The following MECOM variants were observed in gnomAD, a reference collection of about 807,000 sequenced individuals.
MECOM encodes MDS1 and EVI1 complex locus.
MECOM carries 13 observed loss-of-function variants against 116.3 expected under a neutral mutation model. The ratio of observed to expected loss-of-function variants is 0.11; its 90% CI spans 0.07 to 0.18. The LOEUF is 0.18. Among genes scored for constraint, MECOM ranks in the 10% least tolerant of loss-of-function variants. The pLI is 1.00. For missense variants in MECOM, 1,299 were observed against 1,509.0 expected (o/e 0.86, Z 2.31); for synonymous variants, 528 against 535.2 (o/e 0.99, Z 0.19).
intron 2 of MECOM, among the ~76,000 whole-genome samples, chr3:169,380,699 T>A (rs1378114871): frequency 6.6e-6 from 1 of 152,060 alleles, no homozygotes; most frequent in African/African-American, 2.4e-5. Flanking sequence ...AGCAGGGTTA[T>A]CAAAAGAGAG....
At chr3:169,111,974 T>A (rs1727552596) in intron 9 of MECOM, among the ~76,000 whole-genome samples, 2 of 152,246 alleles carry the variant, frequency 1.3e-5, no homozygotes, top group Non-Finnish European at 2.9e-5. Context: ...ATTCTATTTT[T>A]AAGAATTTTT....
chr3:169,478,426 C>T (rs1750801290), intron 1 of MECOM, among the ~76,000 whole-genome samples: 1 of 152,150 alleles, frequency 6.6e-6, no homozygotes, highest in Non-Finnish European at 1.5e-5. Context: ...TTTCCCATTA[C>T]TTGTTAATAG....
chr3:169,108,200 C>A (rs1280852768), intron 9 of MECOM, among the ~76,000 whole-genome samples: 5 of 152,150 alleles, frequency 3.3e-5, no homozygotes, highest in Admixed American at 1.3e-4. Context: ...ATGCTACCTA[C>A]TAGCAAATCT....
At chr3:169,439,494 G>A (rs1280985546) in intron 1 of MECOM, among the ~76,000 whole-genome samples, 1 of 151,706 alleles carries the variant, frequency 6.6e-6, no homozygotes, top group African/African-American at 2.4e-5. Context: ...CACTAAATAG[G>A]AAACACAAAA....
chr3:169,625,862 C>T (rs977676984), intron 1 of MECOM, among the ~76,000 whole-genome samples: 1 of 152,160 alleles, frequency 6.6e-6, no homozygotes, highest in Admixed American at 6.5e-5. Context: ...GAGAGATGAT[C>T]GGAAGTACAG....
intron 3 of MECOM, 46 bp downstream of exon 3, chr3:169,143,652 T>C (rs964326461): frequency 6.1e-6 from 9 of 1,485,770 alleles, no homozygotes; most frequent in African/African-American, 4.3e-5. Flanking sequence ...GCTCCAGTGA[T>C]ACTTTTGTGC....
chr3:169,630,406 G>A (rs1282171873), intron 1 of MECOM, among the ~76,000 whole-genome samples: 2 of 150,880 alleles, frequency 1.3e-5, no homozygotes, highest in South Asian at 2.1e-4. Flanking sequence ...CAAGTTATGG[G>A]GAGAAAGAGC....
chr3:169,376,714 G>T (rs1471810681), intron 2 of MECOM, among the ~76,000 whole-genome samples: 1 of 152,118 alleles, frequency 6.6e-6, no homozygotes, highest in Non-Finnish European at 1.5e-5. Context: ...CCATGCTAAT[G>T]GATAGGAAGA....
chr3:169,611,545 C>T lies in MECOM; in HGVS notation c.37+51791G>A, dbSNP rs1306652732. Among the ~76,000 whole-genome samples the T allele has an allele frequency of 2.6e-5, 4 of 152,162 alleles. No individual in the cohort carries two copies. Among genetic ancestry groups the T allele is most frequent in the Non-Finnish European group, 5.9e-5 (4 of 68,036 alleles). On this transcript the variant is annotated intron_variant, in intron 1 of 16. Coordinates refer to ENST00000651503, the MANE Select transcript of MECOM (RefSeq NM_004991.4). The surrounding 1 kb of genome is among the most constrained non-coding windows in gnomAD (Gnocchi z 4.1). The stretch of plus-strand genomic sequence containing the variant: ...TCATAAGCTTCAGTTTTTAGTTGCA[C>T]GTAGTAGCATACAAACAATGGCAAA...
Position 169,159,768 on chromosome 3 carries a change from G to A in MECOM, c.376-15936C>T, listed in dbSNP as rs184630232. On this transcript the variant is annotated intron_variant, in intron 2 of 16. Transcript: ENST00000651503. ...TGACTAACAACACAGAATCTGCAGTGGGGCAGCCTGGATTCAAATCACAGC... is the reference window on the plus strand; with the variant it reads ...TGACTAACAACACAGAATCTGCAGTAGGGCAGCCTGGATTCAAATCACAGC... 1.2e-4 allele frequency among the ~76,000 whole-genome samples: 18 copies of A among 152,294 alleles called. No individual in the cohort carries two copies. In the East Asian group the frequency reaches 3.1e-3, roughly 26 times the overall value.
At chr3:169,588,199 T>G (rs1336148249) in intron 1 of MECOM, among the ~76,000 whole-genome samples, 3 of 152,234 alleles carry the variant, frequency 2.0e-5, no homozygotes, top group African/African-American at 7.2e-5. Context: ...AGCACTCATT[T>G]TATCAAACAA....
At chr3:169,443,795 A>G (rs528263447) in intron 1 of MECOM, among the ~76,000 whole-genome samples, 28 of 152,284 alleles carry the variant, frequency 1.8e-4, no homozygotes, top group Admixed American at 4.6e-4. Flanking sequence ...TCATTTTAGC[A>G]ATCGCTCCCT....
intron 1 of MECOM, among the ~76,000 whole-genome samples, chr3:169,575,116 G>A (rs1469294063): frequency 6.6e-6 from 1 of 152,132 alleles, no homozygotes. Flanking sequence ...TATACCTGTT[G>A]CTACCCGTAA....
intron 2 of MECOM, among the ~76,000 whole-genome samples, chr3:169,282,359 T>C (rs760433094): frequency 6.6e-6 from 1 of 152,146 alleles, no homozygotes; most frequent in Non-Finnish European, 1.5e-5. Flanking sequence ...ATCGAGTTGC[T>C]AAACCCTGAA....
intron 2 of MECOM, among the ~76,000 whole-genome samples, chr3:169,164,905 G>T (rs560335336): frequency 6.6e-6 from 1 of 152,228 alleles, no homozygotes; most frequent in South Asian, 2.1e-4. Flanking sequence ...AAAAGCACTT[G>T]TGGTCTGCAT....
At chr3:169,241,577 T>C (rs1251498071) in intron 2 of MECOM, among the ~76,000 whole-genome samples, 1 of 152,126 alleles carries the variant, frequency 6.6e-6, no homozygotes, top group African/African-American at 2.4e-5. Context: ...AAAAATTATC[T>C]ACACAAAAAG....
intron 2 of MECOM, among the ~76,000 whole-genome samples, chr3:169,266,372 A>G (rs942927285): frequency 1.3e-5 from 2 of 152,246 alleles, no homozygotes; most frequent in Non-Finnish European, 2.9e-5. Flanking sequence ...GTTACTTAAC[A>G]TGGGTTGCAA....
At chr3:169,478,187 G>A (rs998851057) in intron 1 of MECOM, among the ~76,000 whole-genome samples, 5 of 152,164 alleles carry the variant, frequency 3.3e-5, no homozygotes, top group African/African-American at 9.6e-5. Context: ...TGCTCTGGAA[G>A]GCTCTTGGAT....
intron 2 of MECOM, among the ~76,000 whole-genome samples, chr3:169,365,208 T>C (rs373375919): frequency 6.6e-5 from 10 of 152,146 alleles, no homozygotes; most frequent in African/African-American, 2.2e-4. Context: ...AGAAGAACTA[T>C]AGTCTTAAGG....
Sources: gnomAD v4.1 joint callset for allele counts (sites outside exome capture counted in the v4.1 genomes callset) on GRCh38, gnomAD v4.1.1 for gene constraint, Gnocchi (gnomAD v3.1) non-coding constraint, MANE v1.5 for transcripts, NCBI Gene and HGNC (gene_info 2026-07-23, HGNC 2026-07-21) for gene names.